The following SYNPO2 variants were observed in gnomAD, a reference collection of about 807,000 sequenced individuals.
The protein encoded by SYNPO2 is synaptopodin 2.
Under a neutral mutation model 85.0 loss-of-function variants are expected in SYNPO2, and 56 were observed. That is an observed-to-expected ratio of 0.66 (90% CI 0.53 to 0.82). The LOEUF (loss-of-function observed/expected upper bound fraction) is 0.82. Ranked by LOEUF, SYNPO2 falls within the 40% of genes least tolerant of loss-of-function variation. The pLI, the probability that SYNPO2 is intolerant of heterozygous loss-of-function variation, is 0.00. For synonymous variants in SYNPO2, 602 were observed against 591.1 expected (o/e 1.02, Z -0.27); for missense variants, 1,575 against 1,534.2 (o/e 1.03, Z -0.44).
In SYNPO2 at chr4:119,030,788, T is replaced by C; in HGVS notation, c.2013T>C (p.Asp671=). 1 of 1,614,032 alleles carries C rather than the reference T, an allele frequency of 6.2e-7. No homozygotes were observed. Among genetic ancestry groups the C allele is most frequent in the South Asian group, 1.1e-5 (1 of 91,070 alleles). ...CGTCTGAGCGAATAGCTTCCCGAGA[T>C]GAGAGGATCTCAGTGCCAGCAAAAA... The part of the protein sequence containing the change: ...YDSSERIASR[D]ERISVPAKRT... Residue 671 remains aspartate (D), a synonymous_variant, in exon 4 of 5, where the codon GAT becomes GAC. Transcript: ENST00000307142.
intron 1 of SYNPO2, among the ~76,000 whole-genome samples, chr4:118,895,801 AT>A (rs1342247329): frequency 3.9e-5 from 6 of 152,168 alleles, no homozygotes; most frequent in Non-Finnish European, 8.8e-5. Flanking sequence ...TATTTTGCAT[AT>A]TTTTCATAGC....
intron 4 of SYNPO2, among the ~76,000 whole-genome samples, chr4:119,040,502 A>T (rs1738672186): frequency 6.6e-6 from 1 of 152,214 alleles, no homozygotes; most frequent in Non-Finnish European, 1.5e-5. Context: ...TGGTATACAA[A>T]GATGAGATCA....
At chr4:118,916,623 A>G (rs1733334031) in intron 1 of SYNPO2, among the ~76,000 whole-genome samples, 1 of 151,412 alleles carries the variant, frequency 6.6e-6, no homozygotes, top group African/African-American at 2.4e-5. Flanking sequence ...GTTTTACCAT[A>G]TATTTTTATA....
intron 1 of SYNPO2, among the ~76,000 whole-genome samples, chr4:118,899,200 T>C (rs1732641650): frequency 1.3e-5 from 2 of 152,208 alleles, no homozygotes; most frequent in African/African-American, 2.4e-5. Context: ...ATATCCCATA[T>C]ACAGGGTGTA....
intron 1 of SYNPO2, among the ~76,000 whole-genome samples, chr4:118,864,566 C>T (rs1357852777): frequency 2.6e-5 from 4 of 152,134 alleles, no homozygotes; most frequent in Admixed American, 2.6e-4. Flanking sequence ...TGTTGTATTT[C>T]GATCTGTCTG....
chr4:118,944,186 G>A (rs1734417881), intron 1 of SYNPO2, among the ~76,000 whole-genome samples: 1 of 151,988 alleles, frequency 6.6e-6, no homozygotes, highest in Non-Finnish European at 1.5e-5. Context: ...GTCAAATCAA[G>A]TGCACATTAA....
At position 119,058,121 on chromosome 4, in the gene SYNPO2, C is replaced by T; in HGVS notation, c.*187C>T. 2.1e-6 allele frequency: 1 copy of T among 477,154 alleles called. No homozygotes were observed. The highest frequency in any genetic ancestry group is 3.7e-6 in the Non-Finnish European group (1 of 266,756). 29.6% of individuals were successfully genotyped at this position (477,154 alleles called of 1,614,324 possible). On this transcript the variant is annotated 3_prime_UTR_variant, in exon 5 of 5. Coordinates refer to ENST00000307142, the MANE Select transcript of SYNPO2 (RefSeq NM_133477.3). ...GTATGTATGTGAATATACACACACA[C>T]ACACACACAGGTGAGTGTGAATACT...
At chr4:118,970,548 C>A (rs1264010768) in intron 1 of SYNPO2, among the ~76,000 whole-genome samples, 1 of 152,146 alleles carries the variant, frequency 6.6e-6, no homozygotes, top group African/African-American at 2.4e-5. Context: ...AATGCTTTTA[C>A]CTTAACCACC....
intron 1 of SYNPO2, among the ~76,000 whole-genome samples, chr4:118,971,558 C>T (rs956841804): frequency 7.9e-5 from 12 of 152,212 alleles, no homozygotes; most frequent in South Asian, 6.2e-4. Context: ...CAATGGGTCT[C>T]CAGTGAAAGG....
intron 1 of SYNPO2, among the ~76,000 whole-genome samples, chr4:118,861,457 C>T (rs563101124): frequency 1.8e-4 from 28 of 152,274 alleles, no homozygotes; most frequent in African/African-American, 6.3e-4. Context: ...AGTTGTGAGC[C>T]ACTGCACCTG....
chr4:118,934,699 T>G (rs1734043096), intron 1 of SYNPO2, among the ~76,000 whole-genome samples: 1 of 152,178 alleles, frequency 6.6e-6, no homozygotes, highest in Non-Finnish European at 1.5e-5. Flanking sequence ...AGAAATAGAA[T>G]GAGACTTTAG....
chr4:118,938,980 T>C (rs924665964), intron 1 of SYNPO2, among the ~76,000 whole-genome samples: 5 of 152,220 alleles, frequency 3.3e-5, no homozygotes, highest in Non-Finnish European at 7.3e-5. Flanking sequence ...GAGGAGCTTT[T>C]TATACCTTCA....
At chr4:118,945,542 A>G (rs886098619) in intron 1 of SYNPO2, among the ~76,000 whole-genome samples, 4 of 152,202 alleles carry the variant, frequency 2.6e-5, no homozygotes, top group African/African-American at 7.2e-5. Context: ...ACATCCCAGG[A>G]TAATTGGTTT....
chr4:118,876,630 TCTTTCTTCCTTC>T (rs1560812432), intron 1 of SYNPO2, among the ~76,000 whole-genome samples: 5 of 151,268 alleles, frequency 3.3e-5, no homozygotes, highest in Admixed American at 6.6e-5. Context: ...TTTTCTCTTT[TCTTTCTTCCTTC>T]CTTTCTTCCT....
At chr4:118,879,971 A>G (rs1732048535) in intron 1 of SYNPO2, among the ~76,000 whole-genome samples, 1 of 151,846 alleles carries the variant, frequency 6.6e-6, no homozygotes, top group Non-Finnish European at 1.5e-5. Context: ...CATCCCTGTC[A>G]GGACAGAATC....
At chr4:118,984,022 T>C (rs1367407945) in intron 1 of SYNPO2, among the ~76,000 whole-genome samples, 2 of 152,222 alleles carry the variant, frequency 1.3e-5, no homozygotes, top group Non-Finnish European at 2.9e-5. Context: ...AAATGTCTTT[T>C]CAGAATCCCC....
rs113020434 is a variant in SYNPO2, at chr4:119,014,871, G to C, written c.106-8559G>C. ...TTTTTTTGTCAATCAAACCTCTCAA[G>C]TATGTGCTGTGGCTGGGAAGGCAGA... is the stretch of plus-strand genomic sequence containing the variant. On this transcript the variant is annotated intron_variant, in intron 1 of 4. Transcript: ENST00000307142. Among the ~76,000 whole-genome samples the C allele has an allele frequency of 3.3e-4, 51 of 152,296 alleles. 2 individuals are homozygous for C. In the East Asian group the frequency reaches 7.9e-3, roughly 24 times the overall value.
At position 118,888,974 on chromosome 4, in the gene SYNPO2, C is replaced by G; in HGVS notation, c.-63C>G. The G allele has an allele frequency of 1.9e-6, 3 of 1,539,234 alleles. No individual in the cohort carries two copies. The highest frequency in any genetic ancestry group is 1.7e-5 in the Admixed American group (1 of 59,616). On this transcript the variant is annotated 5_prime_UTR_variant, in exon 1 of 5. Transcript: ENST00000307142. ...GCGCCCGAAGCTGAGTGCGCATCCT[C>G]TACCGCACCCAAGCTTCGTCTGTCT...
chr4:118,864,072 T>C (rs1395125268), intron 1 of SYNPO2, among the ~76,000 whole-genome samples: 1 of 152,242 alleles, frequency 6.6e-6, no homozygotes, highest in African/African-American at 2.4e-5. Flanking sequence ...TTTTCTTCTT[T>C]TCTGATGTGG....
Sources: allele counts gnomAD v4.1 joint callset (sites outside exome capture counted in the v4.1 genomes callset), GRCh38; gene constraint gnomAD v4.1.1; transcripts MANE v1.5; gene names NCBI Gene and HGNC (gene_info 2026-07-23, HGNC 2026-07-21).